Variants in GPC6 observed in about 807,000 individuals in gnomAD.
GPC6 encodes glypican-6.
A neutral mutation model predicts 55.2 loss-of-function variants in GPC6; 14 were observed. The ratio of observed to expected loss-of-function variants is 0.25; its 90% CI spans 0.17 to 0.40. The LOEUF (loss-of-function observed/expected upper bound fraction) is 0.40. GPC6 is among the 10% of genes least tolerant of loss of function. The pLI is 1.00. For synonymous variants in GPC6, 278 were observed against 259.6 expected (o/e 1.07, Z -0.68); for missense variants, 641 against 708.5 (o/e 0.90, Z 1.08).
chr13:93,541,024 CTT>C (rs141122938), intron 1 of GPC6, among the ~76,000 whole-genome samples: 1 of 148,180 alleles, frequency 6.7e-6, no homozygotes, highest in African/African-American at 2.5e-5. Flanking sequence ...GGATATCATC[CTT>C]TTTTTTTTAT....
intron 4 of GPC6, among the ~76,000 whole-genome samples, chr13:94,068,857 G>A (rs889625624): frequency 7.9e-5 from 12 of 152,140 alleles, no homozygotes; most frequent in African/African-American, 1.4e-4. Context: ...TGCAGGGTAC[G>A]GCCTCCCTCC....
chr13:93,329,887 G>C (rs1194499198), intron 1 of GPC6, among the ~76,000 whole-genome samples: 3 of 151,572 alleles, frequency 2.0e-5, no homozygotes, highest in Non-Finnish European at 4.4e-5. Context: ...ATTTAAATCT[G>C]TAAGAAAATG....
intron 3 of GPC6, among the ~76,000 whole-genome samples, chr13:93,974,159 CACAG>C (rs1243013528): frequency 1.3e-5 from 2 of 152,200 alleles, no homozygotes; most frequent in African/African-American, 4.8e-5. Context: ...TGCCCCAACA[CACAG>C]ACAGTTTCTC....
At chr13:94,317,837 G>A (rs1876616942) in intron 6 of GPC6, among the ~76,000 whole-genome samples, 1 of 152,112 alleles carries the variant, frequency 6.6e-6, no homozygotes, top group Non-Finnish European at 1.5e-5. Context: ...AGGGTATAGT[G>A]TATGTGAGTG....
intron 1 of GPC6, among the ~76,000 whole-genome samples, chr13:93,317,507 C>T (rs554905203): frequency 1.1e-4 from 17 of 152,206 alleles, no homozygotes; most frequent in Non-Finnish European, 8.8e-5. Flanking sequence ...CACAACTTCT[C>T]TTTTCTTTAT....
intron 4 of GPC6, among the ~76,000 whole-genome samples, chr13:94,234,731 T>C (rs1267807821): frequency 6.6e-6 from 1 of 152,102 alleles, no homozygotes; most frequent in African/African-American, 2.4e-5. Flanking sequence ...TCCCAGGAAT[T>C]AACAGGCTAT....
chr13:93,722,126 G>A (rs192474296), intron 2 of GPC6, among the ~76,000 whole-genome samples: 1 of 151,476 alleles, frequency 6.6e-6, no homozygotes, highest in South Asian at 2.1e-4. Context: ...TAGTAAATAT[G>A]CAAAAAAGGA....
chr13:94,237,072 G>A (rs1336578261), intron 4 of GPC6, among the ~76,000 whole-genome samples: 1 of 152,122 alleles, frequency 6.6e-6, no homozygotes, highest in African/African-American at 2.4e-5. Flanking sequence ...GAAACAAGAT[G>A]CAAGAAGTTA....
intron 2 of GPC6, among the ~76,000 whole-genome samples, chr13:93,601,393 T>TAAC (rs1405525871): frequency 2.0e-5 from 3 of 151,716 alleles, no homozygotes; most frequent in African/African-American, 7.3e-5. Flanking sequence ...AAAATAATAG[T>TAAC]AATAATAATA....
At chr13:93,478,650 A>C (rs1451219213) in intron 1 of GPC6, among the ~76,000 whole-genome samples, 1 of 152,160 alleles carries the variant, frequency 6.6e-6, no homozygotes, top group East Asian at 1.9e-4. Context: ...TGGTTTTGGC[A>C]CTGGGAGCAA....
At position 94,207,646 on chromosome 13, in the gene GPC6, T is replaced by C. The variant is rs1206926569; in HGVS notation, c.878-78703T>C. Among the ~76,000 whole-genome samples the C allele has an allele frequency of 3.9e-5, 6 of 152,166 alleles. No individual in the cohort carries two copies. The East Asian group carries it at 5.8e-4, about 15-fold the overall frequency. On this transcript the variant is annotated intron_variant, in intron 4 of 8. Transcript: ENST00000377047. ...TTTTCTAGAATGAATACTCTTTTTT[T>C]CCCCCTTAGGTGATGACCATCAGCA... is the stretch of plus-strand genomic sequence containing the variant.
intron 4 of GPC6, among the ~76,000 whole-genome samples, chr13:94,234,723 C>T (rs1460799507): frequency 6.6e-6 from 1 of 151,896 alleles, no homozygotes; most frequent in African/African-American, 2.4e-5. Flanking sequence ...TCTCTTCCTC[C>T]CAGGAATTAA....
chr13:93,470,937 A>G (rs1879089072), intron 1 of GPC6, among the ~76,000 whole-genome samples: 1 of 151,940 alleles, frequency 6.6e-6, no homozygotes, highest in Non-Finnish European at 1.5e-5. Flanking sequence ...TTGTTCATAT[A>G]TTGCTTTATT....
chr13:93,324,040 C>T (rs918703092), intron 1 of GPC6, among the ~76,000 whole-genome samples: 1 of 152,064 alleles, frequency 6.6e-6, no homozygotes, highest in Non-Finnish European at 1.5e-5. Flanking sequence ...TGGAAGCAAC[C>T]TAAGTGTCCA....
chr13:93,664,334 G>C (rs1881046465), intron 2 of GPC6, among the ~76,000 whole-genome samples: 1 of 152,042 alleles, frequency 6.6e-6, no homozygotes, highest in Non-Finnish European at 1.5e-5. Flanking sequence ...ACAAAAAAAT[G>C]CATGGGATTC....
At chr13:94,211,402 G>A (rs1412938) in intron 4 of GPC6, among the ~76,000 whole-genome samples, 111,665 of 152,080 alleles carry the variant, frequency 0.73, 41,116 homozygotes, top group East Asian at 0.8. Context: ...TACTATGTCA[G>A]TATAAGAACG....
At chr13:93,218,803 T>C in the GPC6 span, among the ~76,000 whole-genome samples, 1 of 152,208 alleles carries the variant, frequency 6.6e-6, no homozygotes, top group Non-Finnish European at 1.5e-5. Flanking sequence ...AAACAAATTT[T>C]CTTTGTCTTT....
intron 4 of GPC6, among the ~76,000 whole-genome samples, chr13:94,072,007 C>A (rs1317571235): frequency 6.6e-6 from 1 of 152,172 alleles, no homozygotes; most frequent in African/African-American, 2.4e-5. Context: ...CAACTAATGT[C>A]TTTTCCTACC....
chr13:94,023,557 G>C (rs924868918), intron 3 of GPC6, among the ~76,000 whole-genome samples: 2 of 151,980 alleles, frequency 1.3e-5, no homozygotes, highest in African/African-American at 4.8e-5. Flanking sequence ...GCTGGAAACA[G>C]TTTAGCGATT....
Sources: allele counts gnomAD v4.1 joint callset (sites outside exome capture counted in the v4.1 genomes callset), GRCh38; gene constraint gnomAD v4.1.1; transcripts MANE v1.5; gene names NCBI Gene and HGNC (gene_info 2026-07-23, HGNC 2026-07-21).